Variants in LPIN1 observed in about 807,000 individuals in gnomAD.
LPIN1 encodes the protein phosphatidate phosphatase LPIN1.
A neutral mutation model predicts 107.5 loss-of-function variants in LPIN1; 71 were observed. The observed-to-expected ratio is 0.66, with a 90% CI of 0.55 to 0.80. The LOEUF (loss-of-function observed/expected upper bound fraction) is 0.80. Ranked by LOEUF, LPIN1 falls within the 30% of genes least tolerant of loss-of-function variation. LPIN1 has a pLI of 0.00. For missense variants in LPIN1, 1,043 were observed against 1,160.6 expected (o/e 0.90, Z 1.47); for synonymous variants, 445 against 452.6 (o/e 0.98, Z 0.21).
intron 16 of LPIN1, 143 bp from the exon 17 acceptor site, chr2:11,804,927 G>A (rs911045894): frequency 2.2e-5 from 15 of 675,930 alleles, no homozygotes; most frequent in Middle Eastern, 3.6e-4. Context: ...CATCAACTTT[G>A]ATGACTTGAG....
At chr2:11,727,660 ATATTT>A (rs1664794094) in intron 1 of LPIN1, among the ~76,000 whole-genome samples, 1 of 152,324 alleles carries the variant, frequency 6.6e-6, no homozygotes, top group East Asian at 1.9e-4. Context: ...TTATCTTTCT[ATATTT>A]TAAAGTCCAC....
In LPIN1 at chr2:11,824,967, A is replaced by G; in HGVS notation, c.*176A>G. On this transcript the variant is annotated 3_prime_UTR_variant, in exon 21 of 21. Transcript: ENST00000674199. ...CCCCACCCCGGGGCTGACATTTCTA[A>G]GCAAGATAGGAAGGGAGCACTTTCT... 1.4e-6 allele frequency: 1 copy of G among 698,176 alleles called. No individual in the cohort carries two copies. The highest frequency in any genetic ancestry group is 2.4e-6 in the Non-Finnish European group (1 of 417,022). The allele number at this position is 698,176 out of a possible 1,614,324, so 43.2% of individuals were successfully genotyped here.
chr2:11,796,672 A>G (rs2577264), intron 14 of LPIN1, among the ~76,000 whole-genome samples: 98,556 of 151,978 alleles, frequency 0.65, 34,299 homozygotes, highest in African/African-American at 0.89. Context: ...AAGAAAGAAT[A>G]GGAAGGCACC....
At chr2:11,764,103 T>TATATATATATATACACACAC (rs1553422099) in intron 1 of LPIN1, 1 of 121,806 alleles carries the variant, frequency 8.2e-6, no homozygotes, top group African/African-American at 3.4e-5. Flanking sequence ...TATATATATA[T>TATATATATATATACACACAC]ACACACACAC....
At chr2:11,709,744 C>T (rs1285451845) in intron 1 of LPIN1, among the ~76,000 whole-genome samples, 1 of 152,226 alleles carries the variant, frequency 6.6e-6, no homozygotes, top group African/African-American at 2.4e-5. Flanking sequence ...CTGGGAGCAG[C>T]CCACGACTTT....
Position 11,765,540 on chromosome 2 carries a change from C to A in LPIN1, c.-2C>A. The A allele has an allele frequency of 1.2e-6, 2 of 1,613,488 alleles. No homozygotes were observed. The highest frequency in any genetic ancestry group is 1.1e-5 in the South Asian group (1 of 91,032). On this transcript the variant is annotated 5_prime_UTR_variant, in exon 2 of 21. Coordinates refer to ENST00000674199, the MANE Select transcript of LPIN1 (RefSeq NM_001349206.2). The surrounding 1 kb of genome is among the most constrained non-coding windows in gnomAD (Gnocchi z 4.4). ...TTTTTGTCTGTTTTCCAGGTGCAGA[C>A]CATGAATTACGTGGGGCAGTTAGCC... is the stretch of plus-strand genomic sequence containing the variant.
At chr2:11,759,278 G>T (rs1354958445) in intron 1 of LPIN1, among the ~76,000 whole-genome samples, 1 of 151,950 alleles carries the variant, frequency 6.6e-6, no homozygotes, top group African/African-American at 2.4e-5. Context: ...AAGGTCAGCA[G>T]ATAAACAAGT....
chr2:11,766,548 C>T (rs762429296), intron 2 of LPIN1, among the ~76,000 whole-genome samples: 3 of 152,046 alleles, frequency 2.0e-5, no homozygotes, highest in Non-Finnish European at 2.9e-5. Context: ...CAGGAGAGGT[C>T]GTGAGTGTTC....
intron 17 of LPIN1, among the ~76,000 whole-genome samples, chr2:11,806,529 G>A (rs969393339): frequency 2.0e-5 from 3 of 151,966 alleles, no homozygotes; most frequent in Non-Finnish European, 2.9e-5. Flanking sequence ...CCAGGAGTTC[G>A]AATCCAGCCT....
At position 11,771,361 on chromosome 2, in the gene LPIN1, T is replaced by C. The variant is rs1671810548; in HGVS notation, c.289-11T>C. 6.2e-7 allele frequency: 1 copy of C among 1,613,480 alleles called. No homozygotes were observed. Among genetic ancestry groups the C allele is most frequent in the Non-Finnish European group, 8.5e-7 (1 of 1,179,390 alleles). Reference sequence around the variant, plus strand: ...ACGAGGCTCTTTTTAGAAAATGTGTTCTTTTCTTAGGAAGTTATCCCTATG... The same window carrying C: ...ACGAGGCTCTTTTTAGAAAATGTGTCCTTTTCTTAGGAAGTTATCCCTATG... On this transcript the variant is annotated splice_polypyrimidine_tract_variant and intron_variant, in intron 3 of 20. Coordinates refer to ENST00000674199, the MANE Select transcript of LPIN1 (RefSeq NM_001349206.2). The surrounding 1 kb of genome is among the most constrained non-coding windows in gnomAD (Gnocchi z 4.8).
chr2:11,771,510 A>C lies in LPIN1; in HGVS notation c.427A>C (p.Ser143Arg). The change falls in exon 4 of 21, where the codon AGC (serine) becomes CGC (arginine). Residue 143 changes from serine (S) to arginine (R), a missense_variant. Ser to Arg is a moderately radical substitution (Grantham distance 110, BLOSUM62 -1). Transcript: ENST00000674199. This position sits in a 1 kb window ranked among gnomAD's most constrained non-coding sequence, Gnocchi z 4.8. ...CACGCCAGCCCAAGTGATCGCTCCCAGCGAGACGCCGTCAAGCAGCTCTGT... is the reference window on the plus strand; with the variant it reads ...CACGCCAGCCCAAGTGATCGCTCCCCGCGAGACGCCGTCAAGCAGCTCTGT... ...PSTPAQVIAP[S>R]ETPSSSSVVK... The C allele has an allele frequency of 2.5e-6, 4 of 1,614,246 alleles. No individual in the cohort carries two copies. Among genetic ancestry groups the C allele is most frequent in the Non-Finnish European group, 3.4e-6 (4 of 1,180,040 alleles).
intron 13 of LPIN1, among the ~76,000 whole-genome samples, chr2:11,795,077 C>T (rs1676424954): frequency 1.3e-5 from 2 of 152,054 alleles, no homozygotes; most frequent in Non-Finnish European, 2.9e-5. Flanking sequence ...TTTGAAAGGC[C>T]CCCAGAATCC....
Position 11,765,401 on chromosome 2 carries a change from A to C in LPIN1, c.-9-132A>C. 3.7e-5 allele frequency: 29 copies of C among 778,078 alleles called. No individual in the cohort carries two copies. The highest frequency in any genetic ancestry group is 5.6e-5 in the Non-Finnish European group (27 of 481,558). 48.2% of individuals were successfully genotyped at this position (778,078 alleles called of 1,614,324 possible). On this transcript the variant is annotated intron_variant, in intron 1 of 20. Transcript: ENST00000674199. The surrounding 1 kb of genome is among the most constrained non-coding windows in gnomAD (Gnocchi z 4.4). ...TGGGCTATGGGGGTGGATAGAACAC[A>C]TTCCGGAAATGAGAGGAGCTGAAAG...
At chr2:11,712,974 C>T (rs1235242134) in intron 1 of LPIN1, among the ~76,000 whole-genome samples, 1 of 152,208 alleles carries the variant, frequency 6.6e-6, no homozygotes, top group Non-Finnish European at 1.5e-5. Flanking sequence ...TCACTTAATG[C>T]TCACAATAAC....
At chr2:11,797,985 C>T (rs1386202831) in intron 14 of LPIN1, among the ~76,000 whole-genome samples, 1 of 152,138 alleles carries the variant, frequency 6.6e-6, no homozygotes, top group Non-Finnish European at 1.5e-5. Flanking sequence ...GGAATTGCAT[C>T]ATGGGGCCGT....
intron 18 of LPIN1, chr2:11,817,470 T>C (rs544385626): frequency 6.6e-6 from 1 of 152,390 alleles, no homozygotes; most frequent in South Asian, 2.1e-4. Context: ...TTCTCTGACC[T>C]GTGGGCATGA....
At chr2:11,690,548 T>C (rs1662217743) in intron 1 of LPIN1, among the ~76,000 whole-genome samples, 1 of 152,226 alleles carries the variant, frequency 6.6e-6, no homozygotes, top group South Asian at 2.1e-4. Flanking sequence ...AACTTCTTCT[T>C]TGTGATCTCC....
At chr2:11,706,433 C>G (rs1663133848) in intron 1 of LPIN1, among the ~76,000 whole-genome samples, 1 of 152,218 alleles carries the variant, frequency 6.6e-6, no homozygotes, top group Non-Finnish European at 1.5e-5. Context: ...TTACTCATCA[C>G]TGGCCTTAAA....
intron 1 of LPIN1, among the ~76,000 whole-genome samples, chr2:11,734,767 A>G (rs927617731): frequency 2.0e-5 from 3 of 152,212 alleles, no homozygotes; most frequent in Non-Finnish European, 2.9e-5. Flanking sequence ...AAGATTTACA[A>G]CATCTCAAAG....
Sources: gnomAD v4.1 joint callset for allele counts (sites outside exome capture counted in the v4.1 genomes callset) on GRCh38, gnomAD v4.1.1 for gene constraint, Gnocchi (gnomAD v3.1) non-coding constraint, MANE v1.5 for transcripts, NCBI Gene and HGNC (gene_info 2026-07-23, HGNC 2026-07-21) for gene names.